DCC: variants seen among roughly 807,000 people sequenced by gnomAD.
DCC encodes the protein DCC netrin 1 receptor.
In DCC, 58 loss-of-function variants were observed where a neutral mutation model predicts 172.5. That is an observed-to-expected ratio of 0.34 (90% CI 0.27 to 0.42). DCC has a LOEUF of 0.42. Ranked by LOEUF, DCC falls within the 10% of genes least tolerant of loss-of-function variation. The pLI is 1.00. For missense variants in DCC, 1,740 were observed against 1,791.0 expected, an observed-to-expected ratio of 0.97 and a Z score of 0.51; for synonymous variants, 709 against 644.5, an observed-to-expected ratio of 1.10 and a Z score of -1.52.
At chr18:52,927,624 T>C (rs904200094) in intron 5 of DCC, among the ~76,000 whole-genome samples, 3 of 152,098 alleles carry the variant, frequency 2.0e-5, no homozygotes, top group Non-Finnish European at 4.4e-5. Flanking sequence ...AGTGTTATTA[T>C]GTAAAAAATA....
At chr18:52,523,538 A>G (rs2031886956) in intron 1 of DCC, among the ~76,000 whole-genome samples, 1 of 152,226 alleles carries the variant, frequency 6.6e-6, no homozygotes, top group Non-Finnish European at 1.5e-5. Flanking sequence ...AGCATCCATT[A>G]GAAGTTTAAA....
intron 12 of DCC, among the ~76,000 whole-genome samples, chr18:53,259,134 A>C (rs1350436223): frequency 6.6e-6 from 1 of 152,128 alleles, no homozygotes; most frequent in Non-Finnish European, 1.5e-5. Context: ...TCCTGAATAC[A>C]GCATACTGAT....
chr18:53,429,735 A>G (rs1816891398), intron 21 of DCC, among the ~76,000 whole-genome samples: 1 of 152,100 alleles, frequency 6.6e-6, no homozygotes, highest in Non-Finnish European at 1.5e-5. Context: ...GGTTTTGAAG[A>G]AGGGAAAGCA....
At chr18:53,314,655 A>AT (rs904645249) in intron 13 of DCC, among the ~76,000 whole-genome samples, 7 of 152,056 alleles carry the variant, frequency 4.6e-5, no homozygotes, top group African/African-American at 9.7e-5. Context: ...ACATATCTAA[A>AT]TTTTTTTTAT....
intron 2 of DCC, among the ~76,000 whole-genome samples, chr18:52,755,937 G>A (rs780525247): frequency 2.9e-4 from 44 of 152,122 alleles, no homozygotes; most frequent in Non-Finnish European, 4.9e-4. Flanking sequence ...GCTCTTAAAG[G>A]CTTGAGTGCA....
At chr18:52,986,147 A>G (rs569753302) in intron 5 of DCC, among the ~76,000 whole-genome samples, 1 of 152,282 alleles carries the variant, frequency 6.6e-6, no homozygotes, top group East Asian at 1.9e-4. Flanking sequence ...GGGGCTGACC[A>G]ACTAGGTTGG....
At chr18:53,403,138 C>T (rs894928200) in intron 19 of DCC, among the ~76,000 whole-genome samples, 8 of 150,778 alleles carry the variant, frequency 5.3e-5, no homozygotes, top group Non-Finnish European at 8.9e-5. Context: ...ATTTGCTTCA[C>T]GAAAGATGTG....
At chr18:52,688,365 GA>G (rs2035875590) in intron 1 of DCC, among the ~76,000 whole-genome samples, 1 of 152,108 alleles carries the variant, frequency 6.6e-6, no homozygotes, top group South Asian at 2.1e-4. Context: ...AGCTTGGAGT[GA>G]TTGCAGTTTG....
chr18:53,383,554 G>C (rs1907924147), intron 15 of DCC, among the ~76,000 whole-genome samples: 1 of 147,150 alleles, frequency 6.8e-6, no homozygotes, highest in Non-Finnish European at 1.5e-5. Flanking sequence ...GGTTCATTTG[G>C]CATGTTTTCT....
chr18:53,419,251 TG>T (rs1329164959), intron 21 of DCC, among the ~76,000 whole-genome samples: 1 of 152,194 alleles, frequency 6.6e-6, no homozygotes, highest in African/African-American at 2.4e-5. Context: ...TCATGGAGAA[TG>T]GGGTATCCAT....
intron 1 of DCC, among the ~76,000 whole-genome samples, chr18:52,722,190 T>TC (rs2036483252): frequency 6.6e-6 from 1 of 152,150 alleles, no homozygotes. Flanking sequence ...TCCAGTCTAC[T>TC]CCCCCTCCCA....
intron 5 of DCC, among the ~76,000 whole-genome samples, chr18:53,018,501 T>A (rs7505465): frequency 6.6e-6 from 1 of 152,016 alleles, no homozygotes; most frequent in Non-Finnish European, 1.5e-5. Context: ...TACTTTTGAT[T>A]GGATTGCTTC....
intron 1 of DCC, among the ~76,000 whole-genome samples, chr18:52,491,906 G>A (rs116517033): frequency 0.013 from 1,975 of 152,018 alleles, 44 homozygotes; most frequent in African/African-American, 0.046. Context: ...TGTCTGGAGC[G>A]CAGAGGAGTG....
At chr18:52,975,005 T>C (rs2145593225) in intron 5 of DCC, among the ~76,000 whole-genome samples, 1 of 152,348 alleles carries the variant, frequency 6.6e-6, no homozygotes, top group South Asian at 2.1e-4. Flanking sequence ...CTCGATCTCC[T>C]GAACAATATT....
chr18:52,753,961 T>TAA (rs1433822202), intron 2 of DCC: 1 of 152,170 alleles, frequency 6.6e-6, no homozygotes, highest in East Asian at 1.9e-4. Context: ...GAAATAAATT[T>TAA]AAGTTATGAA....
intron 1 of DCC, among the ~76,000 whole-genome samples, chr18:52,698,205 T>G (rs773827225): frequency 2.6e-5 from 4 of 152,206 alleles, no homozygotes; most frequent in Non-Finnish European, 4.4e-5. Flanking sequence ...CTCCACAACA[T>G]CAAGCCATGG....
chr18:53,002,847 A>G (rs1213953698), intron 5 of DCC, among the ~76,000 whole-genome samples: 4 of 152,146 alleles, frequency 2.6e-5, no homozygotes, highest in Admixed American at 2.0e-4. Context: ...ATTCATAGGC[A>G]AGGCTGAATG....
At chr18:53,500,812 G>T (rs1273064777) in intron 27 of DCC, among the ~76,000 whole-genome samples, 1 of 151,882 alleles carries the variant, frequency 6.6e-6, no homozygotes, top group East Asian at 1.9e-4. Flanking sequence ...TTCTACAAGA[G>T]ATGGCCCTTC....
chr18:52,710,340 C>T (rs977482307), intron 1 of DCC, among the ~76,000 whole-genome samples: 6 of 152,180 alleles, frequency 3.9e-5, no homozygotes, highest in African/African-American at 1.4e-4. Context: ...CACTGCTCTC[C>T]AGCTTGGGTG....
Sources: gnomAD v4.1 joint callset for allele counts (sites outside exome capture counted in the v4.1 genomes callset) on GRCh38, gnomAD v4.1.1 for gene constraint, MANE v1.5 for transcripts, NCBI Gene and HGNC (gene_info 2026-07-23, HGNC 2026-07-21) for gene names.